WWOX: variants seen among roughly 807,000 people sequenced by gnomAD.
The protein encoded by WWOX is WW domain containing oxidoreductase, also known as WW domain-containing oxidoreductase.
WWOX carries 69 observed loss-of-function variants against 46.2 expected under a neutral mutation model. That is an observed-to-expected ratio of 1.49 (90% CI 1.23 to 1.82). The LOEUF is 1.82. Among genes scored for constraint, WWOX ranks in the 40% most tolerant of loss-of-function variants. The pLI is 0.00. For synonymous variants in WWOX, 359 were observed against 202.6 expected (o/e 1.77, Z -6.56); for missense variants, 919 against 542.6 (o/e 1.69, Z -6.89).
At chr16:79,088,855 C>G (rs1331263859) in intron 8 of WWOX, among the ~76,000 whole-genome samples, 1 of 152,220 alleles carries the variant, frequency 6.6e-6, no homozygotes, top group Non-Finnish European at 1.5e-5. Flanking sequence ...CATTCTGACC[C>G]TCATCCTTTA....
chr16:78,174,998 G>GTAGTAATAATAA (rs1555548216), intron 5 of WWOX, among the ~76,000 whole-genome samples: 13 of 140,868 alleles, frequency 9.2e-5, no homozygotes, highest in Admixed American at 4.9e-4. Context: ...AAAAATAATA[G>GTAGTAATAATAA]TAATAATAAT....
chr16:79,074,457 C>T (rs7194361), intron 8 of WWOX, among the ~76,000 whole-genome samples: 30,032 of 78,362 alleles, frequency 0.38, 3,591 homozygotes, highest in Middle Eastern at 0.51. Flanking sequence ...ATATTTTCTC[C>T]ATTTGGAGAG....
chr16:79,098,204 G>C (rs1427998710), intron 8 of WWOX, among the ~76,000 whole-genome samples: 1 of 152,174 alleles, frequency 6.6e-6, no homozygotes, highest in Non-Finnish European at 1.5e-5. Flanking sequence ...CATCCAGAGA[G>C]ACATTCATTT....
chr16:79,046,022 G>C (rs564916718), intron 8 of WWOX, among the ~76,000 whole-genome samples: 12 of 151,810 alleles, frequency 7.9e-5, no homozygotes, highest in Non-Finnish European at 1.6e-4. Flanking sequence ...GGCTGGCCTC[G>C]AGCTCCTGAC....
chr16:79,184,682 C>G (rs1444924134), intron 8 of WWOX, among the ~76,000 whole-genome samples: 2 of 152,212 alleles, frequency 1.3e-5, no homozygotes, highest in South Asian at 2.1e-4. Context: ...TGATTCATAT[C>G]TGACCCTGAG....
At chr16:78,824,697 G>A (rs373845741) in intron 8 of WWOX, among the ~76,000 whole-genome samples, 1 of 152,138 alleles carries the variant, frequency 6.6e-6, no homozygotes, top group African/African-American at 2.4e-5. Context: ...ATCAGATCTT[G>A]TGACACTTAT....
At chr16:79,172,219 C>T (rs1196819075) in intron 8 of WWOX, among the ~76,000 whole-genome samples, 1 of 152,174 alleles carries the variant, frequency 6.6e-6, no homozygotes, top group Admixed American at 6.5e-5. Flanking sequence ...TTTTATTTCC[C>T]CACTTGGCAC....
chr16:78,295,383 C>T (rs1286156676), intron 5 of WWOX, among the ~76,000 whole-genome samples: 10 of 152,168 alleles, frequency 6.6e-5, no homozygotes, highest in African/African-American at 2.2e-4. Context: ...GCATTATTAT[C>T]TCCAACACTG....
chr16:79,178,576 C>T (rs1474298342), intron 8 of WWOX, among the ~76,000 whole-genome samples: 1 of 152,166 alleles, frequency 6.6e-6, no homozygotes, highest in South Asian at 2.1e-4. Flanking sequence ...CTCGACCTCT[C>T]AAAGTGCTAG....
At chr16:78,648,125 A>C (rs184853864) in intron 8 of WWOX, among the ~76,000 whole-genome samples, 1 of 152,254 alleles carries the variant, frequency 6.6e-6, no homozygotes, top group Non-Finnish European at 1.5e-5. Context: ...GACAGGAATT[A>C]TGTTGAAAGG....
chr16:79,190,143 G>T (rs932568311), intron 8 of WWOX, among the ~76,000 whole-genome samples: 3 of 152,034 alleles, frequency 2.0e-5, no homozygotes, highest in Non-Finnish European at 4.4e-5. Context: ...TTCTGCCTCA[G>T]CCTCCCGAGT....
intron 8 of WWOX, among the ~76,000 whole-genome samples, chr16:79,177,448 T>A (rs752524592): frequency 6.6e-6 from 1 of 152,184 alleles, no homozygotes; most frequent in African/African-American, 2.4e-5. Flanking sequence ...CGCTAACCTC[T>A]TATGGTCAGG....
intron 8 of WWOX, among the ~76,000 whole-genome samples, chr16:79,037,367 C>A (rs577087012): frequency 1.1e-4 from 16 of 152,160 alleles, no homozygotes; most frequent in Middle Eastern, 3.4e-3. Context: ...AATGGATATT[C>A]CTAGGGTCAG....
At position 78,459,927 on chromosome 16, in the gene WWOX, C is replaced by G. The variant is rs144796456; in HGVS notation, c.1056+27175C>G. Among the ~76,000 whole-genome samples, 35 of 151,704 alleles carry G rather than the reference C, an allele frequency of 2.3e-4. 1 individual carries two copies. The highest frequency in any genetic ancestry group is 8.2e-4 in the African/African-American group (34 of 41,412). ...TCAGGTGATCCTCCCACCTCAGCCT[C>G]CCGGGTAGTTAGGGCTACAGGCACA... On this transcript the variant is annotated intron_variant, in intron 8 of 8. Transcript: ENST00000566780.
chr16:79,167,302 G>A (rs1450991563), intron 8 of WWOX, among the ~76,000 whole-genome samples: 2 of 152,156 alleles, frequency 1.3e-5, no homozygotes, highest in African/African-American at 2.4e-5. Flanking sequence ...ATGACAAAAT[G>A]CTAACAATTC....
chr16:78,790,947 A>T (rs2050581445), intron 8 of WWOX, among the ~76,000 whole-genome samples: 1 of 140,848 alleles, frequency 7.1e-6, no homozygotes, highest in Non-Finnish European at 1.5e-5. Flanking sequence ...TGAGCCCAGG[A>T]GATGGAGGTT....
chr16:78,537,238 T>G (rs963351756), intron 8 of WWOX, among the ~76,000 whole-genome samples: 3 of 152,104 alleles, frequency 2.0e-5, no homozygotes, highest in Non-Finnish European at 2.9e-5. Context: ...TTTCAAGTAT[T>G]AGAGTTGTCT....
intron 8 of WWOX, among the ~76,000 whole-genome samples, chr16:78,547,155 A>C (rs1042521426): frequency 1.5e-5 from 2 of 130,634 alleles, no homozygotes; most frequent in Admixed American, 8.4e-5. Context: ...AAAAAAAAAA[A>C]AAAACAACTA....
intron 5 of WWOX, among the ~76,000 whole-genome samples, chr16:78,192,243 C>T (rs890411024): frequency 6.6e-6 from 1 of 151,914 alleles, no homozygotes; most frequent in African/African-American, 2.4e-5. Context: ...GCCTGTAATC[C>T]CAGCACTTTG....
Sources: gnomAD v4.1 joint callset for allele counts (sites outside exome capture counted in the v4.1 genomes callset) on GRCh38, gnomAD v4.1.1 for gene constraint, MANE v1.5 for transcripts, NCBI Gene and HGNC (gene_info 2026-07-23, HGNC 2026-07-21) for gene names.